Variants in PTPRR observed in about 807,000 individuals in gnomAD.
PTPRR encodes protein tyrosine phosphatase receptor type R.
A neutral mutation model predicts 77.2 loss-of-function variants in PTPRR; 38 were observed. The observed-to-expected ratio is 0.49, with a 90% CI of 0.38 to 0.65. The LOEUF is 0.65. Ranked by LOEUF, PTPRR falls within the 30% of genes least tolerant of loss-of-function variation. The pLI, the probability that PTPRR is intolerant of heterozygous loss-of-function variation, is 0.00. For missense variants in PTPRR, 744 were observed against 799.2 expected (o/e 0.93, Z 0.83); for synonymous variants, 299 against 283.1 (o/e 1.06, Z -0.57).
intron 2 of PTPRR, among the ~76,000 whole-genome samples, chr12:70,849,125 T>G (rs1892532949): frequency 6.6e-6 from 1 of 152,182 alleles, no homozygotes; most frequent in South Asian, 2.1e-4. Flanking sequence ...TAGGTAGAAT[T>G]TATTAGCTGT....
chr12:70,805,884 T>C (rs1403802175), intron 2 of PTPRR, among the ~76,000 whole-genome samples: 3 of 152,198 alleles, frequency 2.0e-5, no homozygotes, highest in Non-Finnish European at 4.4e-5. Flanking sequence ...TATACACATA[T>C]ATAGTTCTAA....
At chr12:70,813,695 C>T (rs560495166) in intron 2 of PTPRR, among the ~76,000 whole-genome samples, 8 of 152,302 alleles carry the variant, frequency 5.3e-5, no homozygotes, top group Non-Finnish European at 8.8e-5. Context: ...GTCACCAGCA[C>T]CTCAGCTTCC....
chr12:70,660,660 T>A (rs760754565), intron 12 of PTPRR, among the ~76,000 whole-genome samples: 27 of 152,204 alleles, frequency 1.8e-4, no homozygotes, highest in Non-Finnish European at 2.9e-4. Context: ...TCAAAGCAGA[T>A]AACTGCTGAA....
At chr12:70,673,043 AAAAAAAG>A (rs1459881592) in intron 10 of PTPRR, 11,764 of 1,052,212 alleles carry the variant, frequency 0.011, no homozygotes, top group Middle Eastern at 0.02. Flanking sequence ...AAAAAAAAAA[AAAAAAAG>A]AAAGAAAGAA....
At chr12:70,871,797 A>G (rs7975082) in intron 2 of PTPRR, among the ~76,000 whole-genome samples, 25,160 of 152,168 alleles carry the variant, frequency 0.17, 3,258 homozygotes, top group African/African-American at 0.36. Flanking sequence ...CTGTTAGAGT[A>G]AATTGTTCTC....
chr12:70,836,490 A>C (rs1267174869), intron 2 of PTPRR, among the ~76,000 whole-genome samples: 2 of 151,940 alleles, frequency 1.3e-5, no homozygotes, highest in Admixed American at 6.6e-5. Flanking sequence ...CCACAAATCA[A>C]AAAATTGTTT....
intron 2 of PTPRR, among the ~76,000 whole-genome samples, chr12:70,773,528 A>C (rs1025181772): frequency 5.3e-5 from 8 of 152,170 alleles, no homozygotes; most frequent in Admixed American, 5.2e-4. Context: ...AAGGTCCATT[A>C]GAAGCATAAT....
intron 2 of PTPRR, among the ~76,000 whole-genome samples, chr12:70,877,372 C>T (rs565822368): frequency 6.6e-6 from 1 of 152,254 alleles, no homozygotes; most frequent in South Asian, 2.1e-4. Context: ...ATGGTCATCC[C>T]CACTACCAAT....
intron 1 of PTPRR, among the ~76,000 whole-genome samples, chr12:70,912,835 A>G (rs1411583856): frequency 6.6e-6 from 1 of 152,148 alleles, no homozygotes; most frequent in Non-Finnish European, 1.5e-5. Flanking sequence ...TTAAAATAAT[A>G]TTTTAGCATT....
At chr12:70,680,461 TG>T (rs1310427628) in intron 10 of PTPRR, among the ~76,000 whole-genome samples, 1 of 152,216 alleles carries the variant, frequency 6.6e-6, no homozygotes, top group African/African-American at 2.4e-5. Flanking sequence ...GCTCTATGTG[TG>T]TGCAGTAGTG....
rs61515160 is a variant in PTPRR at position 70,850,360 on chromosome 12, G to GA, written c.357+42318dup. 2.2e-3 allele frequency among the ~76,000 whole-genome samples: 312 copies of GA among 145,108 alleles called. 1 individual carries two copies. Among genetic ancestry groups the GA allele is most frequent in the African/African-American group, 6.2e-3 (248 of 40,124 alleles). The stretch of plus-strand genomic sequence containing the variant: ...GGCAACAAAGCGAGATTCCATCTCA[G>GA]AAAAAAAAAAATAAAAGGTAATTTT... On this transcript the variant is annotated intron_variant, in intron 2 of 13. Coordinates refer to ENST00000283228, the MANE Select transcript of PTPRR (RefSeq NM_002849.4).
At chr12:70,706,971 T>C (rs1424254543) in intron 6 of PTPRR, among the ~76,000 whole-genome samples, 1 of 150,042 alleles carries the variant, frequency 6.7e-6, no homozygotes, top group East Asian at 2.0e-4. Context: ...TAATTAATAA[T>C]AACATGGTGA....
chr12:70,838,666 G>T (rs1230179580), intron 2 of PTPRR, among the ~76,000 whole-genome samples: 2 of 152,164 alleles, frequency 1.3e-5, no homozygotes, highest in Non-Finnish European at 2.9e-5. Flanking sequence ...TGAAGAAAAA[G>T]ATTATAAGCT....
intron 2 of PTPRR, among the ~76,000 whole-genome samples, chr12:70,872,500 C>G (rs963379444): frequency 1.3e-5 from 2 of 151,708 alleles, no homozygotes; most frequent in Non-Finnish European, 2.9e-5. Flanking sequence ...TCGAGACCAT[C>G]CTGGCTAACA....
At chr12:70,919,078 G>C (rs1893815045) in intron 1 of PTPRR, among the ~76,000 whole-genome samples, 1 of 152,108 alleles carries the variant, frequency 6.6e-6, no homozygotes, top group Non-Finnish European at 1.5e-5. Context: ...AAAGATTCAT[G>C]ATACATTTAA....
intron 2 of PTPRR, among the ~76,000 whole-genome samples, chr12:70,792,240 T>C (rs925639569): frequency 6.6e-6 from 1 of 152,182 alleles, no homozygotes; most frequent in African/African-American, 2.4e-5. Flanking sequence ...GAACCTAATA[T>C]GTACTCAATA....
At chr12:70,729,515 T>G (rs1463438122) in intron 6 of PTPRR, among the ~76,000 whole-genome samples, 1 of 152,182 alleles carries the variant, frequency 6.6e-6, no homozygotes, top group Non-Finnish European at 1.5e-5. Context: ...AAATGAGTTT[T>G]GGGGACCACT....
At chr12:70,897,535 G>GA (rs1471731207) in intron 1 of PTPRR, among the ~76,000 whole-genome samples, 1 of 151,824 alleles carries the variant, frequency 6.6e-6, no homozygotes, top group Non-Finnish European at 1.5e-5. Flanking sequence ...GGAGAAATAG[G>GA]AACACTTTTA....
chr12:70,868,703 T>G (rs372129520), intron 2 of PTPRR, among the ~76,000 whole-genome samples: 12 of 152,006 alleles, frequency 7.9e-5, no homozygotes, highest in Non-Finnish European at 1.5e-4. Context: ...ACCCAAAGGA[T>G]TATAAATCAT....
Sources: gnomAD v4.1 joint callset for allele counts (sites outside exome capture counted in the v4.1 genomes callset) on GRCh38, gnomAD v4.1.1 for gene constraint, MANE v1.5 for transcripts, NCBI Gene and HGNC (gene_info 2026-07-23, HGNC 2026-07-21) for gene names.